KNOP1: variants seen among roughly 807,000 people sequenced by gnomAD.
KNOP1 encodes the protein lysine-rich nucleolar protein 1.
Under a neutral mutation model 30.6 loss-of-function variants are expected in KNOP1, and 20 were observed. That is an observed-to-expected ratio of 0.65 (90% confidence interval 0.46 to 0.95). KNOP1 has a LOEUF of 0.95. KNOP1 is among the 40% of genes least tolerant of loss of function. KNOP1 has a pLI of 0.00. For missense variants in KNOP1, 540 were observed against 562.0 expected, an observed-to-expected ratio of 0.96 and a Z score of 0.40; for synonymous variants, 204 against 210.0, an observed-to-expected ratio of 0.97 and a Z score of 0.25.
chr16:19,707,769 T>A (rs1976475033), intron 4 of KNOP1, among the ~76,000 whole-genome samples: 1 of 102,098 alleles, frequency 9.8e-6, no homozygotes, highest in Non-Finnish European at 1.9e-5. Flanking sequence ...ACGGCGCACA[T>A]GGCGCACCTC....
At chr16:19,712,727 C>T (rs564043543) in intron 2 of KNOP1, among the ~76,000 whole-genome samples, 3 of 152,318 alleles carry the variant, frequency 2.0e-5, no homozygotes, top group African/African-American at 4.8e-5. Context: ...TGTCAGCCAC[C>T]GGCCACACGG....
chr16:19,707,527 C>T (rs1454464829), intron 4 of KNOP1, among the ~76,000 whole-genome samples: 1 of 152,016 alleles, frequency 6.6e-6, no homozygotes. Context: ...CACCTCTGCA[C>T]AGAGCTGCCT....
intron 4 of KNOP1, 57 bp downstream of exon 4, chr16:19,710,452 G>A: frequency 6.4e-7 from 1 of 1,556,188 alleles, no homozygotes; most frequent in Non-Finnish European, 8.9e-7. Context: ...GAGGCGAGGG[G>A]AAGCGTCGGG....
rs924101396 is a variant in KNOP1, at chr16:19,714,603, C to G, written c.433G>C (p.Gly145Arg). 3 of 1,614,074 alleles carry G rather than the reference C, an allele frequency of 1.9e-6. No homozygotes were observed. The highest frequency in any genetic ancestry group is 2.5e-6 in the Non-Finnish European group (3 of 1,180,020). ...PRQGEEETRV[G>R]KKLKKHKKEK... ...TTCTTGTGTTTTTTGAGCTTCTTGC[C>G]AACTCTGGTTTCCTCCTCACCCTGT... The change falls in exon 2 of 5, where the codon GGC becomes CGC. Residue 145 changes from glycine to arginine, a missense_variant. Coordinates refer to ENST00000219837, the MANE Select transcript of KNOP1 (RefSeq NM_001012991.3).
In KNOP1 at chr16:19,706,788, T is replaced by C. The variant is rs550717339; in HGVS notation, c.*122A>G. Reference sequence around the variant, plus strand: ...ACGCTAAGCTTATGGGAGTTATTTATATCTTACTGCTCGAGGTCCTCACCA... The same window carrying C: ...ACGCTAAGCTTATGGGAGTTATTTACATCTTACTGCTCGAGGTCCTCACCA... On this transcript the variant is annotated 3_prime_UTR_variant, in exon 5 of 5. Transcript: ENST00000219837. The C allele has an allele frequency of 2.0e-6, 2 of 984,916 alleles. No individual in the cohort carries two copies. The highest frequency in any genetic ancestry group is 3.3e-5 in the African/African-American group (2 of 61,328). 61.0% of individuals were successfully genotyped at this position (984,916 alleles called of 1,614,324 possible). A position where few individuals can be genotyped will look rare whatever the true frequency, so the allele number is the denominator to read the frequency against.
chr16:19,712,101 G>T (rs1297103899), intron 2 of KNOP1: 2 of 152,436 alleles, frequency 1.3e-5, no homozygotes, highest in Non-Finnish European at 2.9e-5. Flanking sequence ...GGGAGGTAGA[G>T]TCCCCCCACA....
intron 3 of KNOP1, 21 bp from the exon 4 acceptor site, chr16:19,710,607 A>G: frequency 1.9e-6 from 3 of 1,601,060 alleles, no homozygotes; most frequent in Non-Finnish European, 2.6e-6. Flanking sequence ...AGGATGACAG[A>G]AGAGGGCCGT....
In KNOP1 at chr16:19,710,590, A is replaced by G; in HGVS notation, c.988-4T>C. The stretch of plus-strand genomic sequence containing the variant: ...CTTGCAAGGCCTTTCGCCTCACCTG[A>G]GCAAGAAGGATGACAGAAGAGGGCC... On this transcript the variant is annotated splice_region_variant and splice_polypyrimidine_tract_variant and intron_variant, in intron 3 of 4. Transcript: ENST00000219837. 1 of 1,611,506 alleles carries G rather than the reference A, an allele frequency of 6.2e-7. No homozygotes were observed.
At position 19,703,424 on chromosome 16, in the gene KNOP1, CTGTTT is replaced by C; in HGVS notation, c.*3481_*3485del. 1 of 152,284 alleles carries C rather than the reference CTGTTT, an allele frequency of 6.6e-6. No individual in the cohort carries two copies. Among genetic ancestry groups the C allele is most frequent in the South Asian group, 2.1e-4 (1 of 4,822 alleles). 9.4% of individuals were successfully genotyped at this position (152,284 alleles called of 1,614,324 possible). On this transcript the variant is annotated 3_prime_UTR_variant, in exon 5 of 5. Transcript: ENST00000219837. ...CACCCAGAAACACGGGATCCTCTTCCTGTTTTAAGGTCAGCTGATTAGCAAACTTA... is the reference window on the plus strand; with the variant it reads ...CACCCAGAAACACGGGATCCTCTTCCTAAGGTCAGCTGATTAGCAAACTTA...
rs376735247 is a variant in KNOP1, at chr16:19,711,444, C to A, written c.919-4G>T. 65 of 1,613,954 alleles carry A rather than the reference C, an allele frequency of 4.0e-5. No homozygotes were observed. Among genetic ancestry groups the A allele is most frequent in the Non-Finnish European group, 5.3e-5 (63 of 1,179,964 alleles). Reference sequence around the variant, plus strand: ...CCTCTAAGTCCGTGTCTGTTTCCTGCAGGAGAGGGCAGAGCTGGCTAAGGT... The same window carrying A: ...CCTCTAAGTCCGTGTCTGTTTCCTGAAGGAGAGGGCAGAGCTGGCTAAGGT... On this transcript the variant is annotated splice_region_variant and splice_polypyrimidine_tract_variant and intron_variant, in intron 2 of 4. Transcript: ENST00000219837.
At chr16:19,713,382 C>T (rs543947329) in intron 2 of KNOP1, among the ~76,000 whole-genome samples, 21 of 152,128 alleles carry the variant, frequency 1.4e-4, no homozygotes, top group Non-Finnish European at 2.8e-4. Flanking sequence ...CATGAGCCAC[C>T]GCACCCGGCC....
At position 19,705,288 on chromosome 16, in the gene KNOP1, T is replaced by C; in HGVS notation, c.*1622A>G. ...TCTGGCCATCGAGGCCTGCCTGGGCTGGGATGTCTGTAGGAGGCATGTTCA... is the reference window on the plus strand; with the variant it reads ...TCTGGCCATCGAGGCCTGCCTGGGCCGGGATGTCTGTAGGAGGCATGTTCA... On this transcript the variant is annotated 3_prime_UTR_variant, in exon 5 of 5. Transcript: ENST00000219837. 4.4e-6 allele frequency: 2 copies of C among 455,912 alleles called. No individual in the cohort carries two copies. The highest frequency in any genetic ancestry group is 8.8e-6 in the Non-Finnish European group (2 of 226,742). 28.2% of individuals were successfully genotyped at this position (455,912 alleles called of 1,614,324 possible).
In KNOP1 at chr16:19,717,895, ATC is replaced by A; in HGVS notation, c.-3+261_-3+262del. 8 of 1,073,154 alleles carry A rather than the reference ATC, an allele frequency of 7.5e-6. No individual in the cohort carries two copies. The South Asian group carries it at 2.2e-4, about 30-fold the overall frequency. The allele number at this position is 1,073,154 out of a possible 1,614,324, so 66.5% of individuals were successfully genotyped here. A position where few individuals can be genotyped will look rare whatever the true frequency, so the allele number is the denominator to read the frequency against. ...GGACGCGCGGGAGCCAGGAAGTAAG[ATC>A]CGTACCTCCAAGGCTCCCATGGGCC... On this transcript the variant is annotated intron_variant, in intron 1 of 4. Transcript: ENST00000219837.
At position 19,714,935 on chromosome 16, in the gene KNOP1, T is replaced by C; in HGVS notation, c.101A>G (p.Asn34Ser). 2 of 1,613,508 alleles carry C rather than the reference T, an allele frequency of 1.2e-6. No homozygotes were observed. The highest frequency in any genetic ancestry group is 8.5e-7 in the Non-Finnish European group (1 of 1,179,812). Residue 34 changes from asparagine to serine, a missense_variant, in exon 2 of 5, where the codon AAT becomes AGT. Asn to Ser is a conservative substitution (Grantham distance 46, BLOSUM62 1). Transcript: ENST00000219837. ...EPETRYSVLN[N>S]DDYFADVSPL... ...AGAAACATCAGCAAAGTAATCATCATTGTTTAAAACTGAGTATCGAGTCTC... is the reference window on the plus strand; with the variant it reads ...AGAAACATCAGCAAAGTAATCATCACTGTTTAAAACTGAGTATCGAGTCTC...
At chr16:19,707,501 A>G (rs1274755334) in intron 4 of KNOP1, among the ~76,000 whole-genome samples, 1 of 151,992 alleles carries the variant, frequency 6.6e-6, no homozygotes, top group Non-Finnish European at 1.5e-5. Flanking sequence ...GCCCAGGTCC[A>G]GCCAACACCA....
chr16:19,703,698 A>C lies in KNOP1; in HGVS notation c.*3212T>G, dbSNP rs536051086. The C allele has an allele frequency of 6.6e-6, 1 of 152,058 alleles. No homozygotes were observed. The highest frequency in any genetic ancestry group is 6.5e-5 in the Admixed American group (1 of 15,270). The allele number at this position is 152,058 out of a possible 1,614,324, so 9.4% of individuals were successfully genotyped here. A position where few individuals can be genotyped will look rare whatever the true frequency, so the allele number is the denominator to read the frequency against. On this transcript the variant is annotated 3_prime_UTR_variant, in exon 5 of 5. Coordinates refer to ENST00000219837, the MANE Select transcript of KNOP1 (RefSeq NM_001012991.3). The stretch of plus-strand genomic sequence containing the variant: ...TAATTTACAAAGGATGGGAGCTCAG[A>C]GTGATTCTCCCAAGACAAGACTGCC...
At position 19,705,068 on chromosome 16, in the gene KNOP1, A is replaced by G; in HGVS notation, c.*1842T>C. On this transcript the variant is annotated 3_prime_UTR_variant, in exon 5 of 5. Transcript: ENST00000219837. ...TTGCCCAGCAATGGAGGCTTCTGGA[A>G]GTTTCCTTGAGACACAAAAAGGCTT... 1 of 427,978 alleles carries G rather than the reference A, an allele frequency of 2.3e-6. No homozygotes were observed. Among genetic ancestry groups the G allele is most frequent in the Admixed American group, 2.5e-5 (1 of 40,038 alleles). 26.5% of individuals were successfully genotyped at this position (427,978 alleles called of 1,614,324 possible). A position where few individuals can be genotyped will look rare whatever the true frequency, so the allele number is the denominator to read the frequency against.
At position 19,707,216 on chromosome 16, in the gene KNOP1, G is replaced by T; in HGVS notation, c.1071C>A (p.Thr357=). 10 of 1,611,872 alleles carry T rather than the reference G, an allele frequency of 6.2e-6. No individual in the cohort carries two copies. Among genetic ancestry groups the T allele is most frequent in the Non-Finnish European group, 8.5e-6 (10 of 1,179,770 alleles). ...EASETRKWTG[T]QFGQWDTAGF... ...CAGCAGTATCCCACTGGCCAAACTG[G>T]GTTCCCTGTGAGGAGAGGAAAAAGG... Residue 357 remains threonine, a synonymous_variant, in exon 5 of 5, where the codon ACC becomes ACA. Coordinates refer to ENST00000219837, the MANE Select transcript of KNOP1 (RefSeq NM_001012991.3).
In KNOP1 at chr16:19,714,271, G is replaced by A. The variant is rs1976871475; in HGVS notation, c.765C>T (p.Tyr255=). 1 of 1,614,162 alleles carries A rather than the reference G, an allele frequency of 6.2e-7. No individual in the cohort carries two copies. The highest frequency in any genetic ancestry group is 8.5e-7 in the Non-Finnish European group (1 of 1,180,024). Residue 255 remains tyrosine, a synonymous_variant, in exon 2 of 5, where the codon TAC becomes TAT. Coordinates refer to ENST00000219837, the MANE Select transcript of KNOP1 (RefSeq NM_001012991.3). ...KKPVKVEAPE[Y]IPISDDPKAS... is the part of the protein sequence containing the mutation. ...CCTTAGGGTCATCACTTATGGGGAT[G>A]TATTCCGGAGCCTCAACTTTGACTG...
Sources: gnomAD v4.1 joint callset for allele counts (sites outside exome capture counted in the v4.1 genomes callset) on GRCh38, gnomAD v4.1.1 for gene constraint, MANE v1.5 for transcripts, NCBI Gene and HGNC (gene_info 2026-07-23, HGNC 2026-07-21) for gene names.